The following KIFAP3 variants were observed in gnomAD, a reference collection of about 807,000 sequenced individuals.
KIFAP3 encodes the protein kinesin associated protein 3.
In KIFAP3, 68 loss-of-function variants were observed where a neutral mutation model predicts 106.5. The observed-to-expected ratio is 0.64, with a 90% confidence interval of 0.53 to 0.78. The LOEUF (loss-of-function observed/expected upper bound fraction) is 0.78. Among genes scored for constraint, KIFAP3 ranks in the 30% least tolerant of loss-of-function variants. The pLI is 0.00. For missense variants in KIFAP3, 780 were observed against 941.8 expected (o/e 0.83, Z 2.25); for synonymous variants, 320 against 311.5 (o/e 1.03, Z -0.29).
intron 10 of KIFAP3, among the ~76,000 whole-genome samples, chr1:170,007,475 C>T (rs1668023661): frequency 6.6e-6 from 1 of 151,850 alleles, no homozygotes; most frequent in African/African-American, 2.4e-5. Flanking sequence ...AACATGGTAA[C>T]TAGAAGGTAA....
chr1:170,060,928 T>G (rs1671116386), intron 1 of KIFAP3, among the ~76,000 whole-genome samples: 1 of 152,196 alleles, frequency 6.6e-6, no homozygotes, highest in Non-Finnish European at 1.5e-5. Context: ...CCCTATTTAA[T>G]AAATGGTGCT....
chr1:169,988,424 C>T (rs1666945152), intron 11 of KIFAP3, among the ~76,000 whole-genome samples: 2 of 151,924 alleles, frequency 1.3e-5, no homozygotes, highest in African/African-American at 4.8e-5. Context: ...TGCTTTCCTA[C>T]ATTCAAAGTC....
intron 1 of KIFAP3, among the ~76,000 whole-genome samples, chr1:170,058,197 A>G (rs140768300): frequency 6.6e-6 from 1 of 152,310 alleles, no homozygotes; most frequent in East Asian, 1.9e-4. Context: ...TTCATTATCA[A>G]TTTTCTTGAG....
intron 1 of KIFAP3, among the ~76,000 whole-genome samples, chr1:170,061,382 C>T (rs1167795297): frequency 5.9e-5 from 9 of 152,204 alleles, no homozygotes; most frequent in Non-Finnish European, 8.8e-5. Context: ...CAAAAGAAGA[C>T]ATTTATGCAG....
intron 10 of KIFAP3, among the ~76,000 whole-genome samples, chr1:170,001,681 C>T (rs629408): frequency 0.94 from 142,622 of 152,216 alleles, 66,896 homozygotes; most frequent in East Asian, 1. Context: ...CATAACAGTT[C>T]GGTAATAAAC....
chr1:169,934,498 T>G (rs1663675246), intron 19 of KIFAP3, among the ~76,000 whole-genome samples: 1 of 152,132 alleles, frequency 6.6e-6, no homozygotes, highest in South Asian at 2.1e-4. Context: ...AGTTATCTCA[T>G]GCAAATCATC....
chr1:170,016,596 A>T lies in KIFAP3; in HGVS notation c.1049T>A (p.Val350Glu). 1.3e-6 allele frequency: 2 copies of T among 1,594,870 alleles called. No individual in the cohort carries two copies. Among genetic ancestry groups the T allele is most frequent in the Non-Finnish European group, 1.7e-6 (2 of 1,173,752 alleles). Residue 350 changes from valine to glutamate, a missense_variant, in exon 10 of 20, where the codon GTG (valine) becomes GAG (glutamate). Physicochemically the swap from Val to Glu is moderately radical, Grantham distance 121 (BLOSUM62 -2). Transcript: ENST00000361580. ...TTCATGCTCACAAGGTATCATTTTC[A>T]CCAGTTTTTCAACAATATCCATTTC... ...MVEMDIVEKL[V>E]KMIPCEHEDL...
chr1:170,037,662 G>A (rs887165961), intron 5 of KIFAP3, among the ~76,000 whole-genome samples: 3 of 152,034 alleles, frequency 2.0e-5, no homozygotes, highest in African/African-American at 4.8e-5. Context: ...ATATGAACCC[G>A]GGAGGCGGAG....
intron 8 of KIFAP3, among the ~76,000 whole-genome samples, chr1:170,025,194 T>C (rs975671883): frequency 6.6e-6 from 1 of 152,128 alleles, no homozygotes; most frequent in African/African-American, 2.4e-5. Flanking sequence ...AAGCCATTGT[T>C]TGCTAGTTTT....
At chr1:170,010,502 C>G (rs1668188115) in intron 10 of KIFAP3, among the ~76,000 whole-genome samples, 1 of 151,888 alleles carries the variant, frequency 6.6e-6, no homozygotes, top group East Asian at 1.9e-4. Flanking sequence ...AAGGGCTGAG[C>G]TATAACACAA....
intron 9 of KIFAP3, among the ~76,000 whole-genome samples, chr1:170,016,955 T>A (rs1417981849): frequency 6.6e-6 from 1 of 152,160 alleles, no homozygotes; most frequent in African/African-American, 2.4e-5. Flanking sequence ...CTTCAAGGAT[T>A]CCTCAGTATA....
chr1:170,083,792 T>G (rs1423126379), intron 1 of KIFAP3, among the ~76,000 whole-genome samples: 1 of 152,222 alleles, frequency 6.6e-6, no homozygotes, highest in Non-Finnish European at 1.5e-5. Context: ...GCACTCTGTG[T>G]GTACTTCATT....
At chr1:170,045,700 T>C (rs1402984332) in intron 3 of KIFAP3, among the ~76,000 whole-genome samples, 1 of 152,106 alleles carries the variant, frequency 6.6e-6, no homozygotes, top group African/African-American at 2.4e-5. Flanking sequence ...ACCTGAATTC[T>C]TCCCTGGCTA....
upstream of KIFAP3, chr1:170,074,809 G>A: frequency 2.6e-6 from 3 of 1,173,570 alleles, no homozygotes; most frequent in East Asian, 4.5e-5. Context: ...GGGAAGTTTT[G>A]GTGCAGTTTT....
At chr1:170,039,715 G>GA (rs981814000) in intron 3 of KIFAP3, among the ~76,000 whole-genome samples, 7 of 150,750 alleles carry the variant, frequency 4.6e-5, no homozygotes, top group Non-Finnish European at 8.9e-5. Flanking sequence ...AAAGCAGAAA[G>GA]AAAAAAAAAT....
At chr1:169,981,751 T>C (rs1666535980) in intron 15 of KIFAP3, among the ~76,000 whole-genome samples, 1 of 152,152 alleles carries the variant, frequency 6.6e-6, no homozygotes, top group Non-Finnish European at 1.5e-5. Context: ...CTGAACTGCT[T>C]TACAGCAACA....
intron 17 of KIFAP3, among the ~76,000 whole-genome samples, chr1:169,964,635 C>A (rs2101872316): frequency 6.6e-6 from 1 of 152,184 alleles, no homozygotes; most frequent in Middle Eastern, 3.4e-3. Context: ...CTGAGCTGGC[C>A]ATACTTGGGT....
chr1:170,005,863 T>C (rs1237952885), intron 10 of KIFAP3, among the ~76,000 whole-genome samples: 1 of 147,796 alleles, frequency 6.8e-6, no homozygotes, highest in Non-Finnish European at 1.5e-5. Flanking sequence ...ACAATAATAA[T>C]AAAATTAAAA....
intron 1 of KIFAP3, among the ~76,000 whole-genome samples, chr1:170,063,521 G>A (rs1323877408): frequency 3.3e-5 from 5 of 152,132 alleles, no homozygotes; most frequent in Admixed American, 3.3e-4. Context: ...TCCAACTTTT[G>A]GGGGAGGCTT....
Sources: allele counts gnomAD v4.1 joint callset (sites outside exome capture counted in the v4.1 genomes callset), GRCh38; gene constraint gnomAD v4.1.1; transcripts MANE v1.5; gene names NCBI Gene and HGNC (gene_info 2026-07-23, HGNC 2026-07-21).